Variants in LRRTM4 observed in about 807,000 individuals in gnomAD.
LRRTM4 encodes leucine-rich repeat transmembrane neuronal protein 4.
In LRRTM4, 25 loss-of-function variants were observed where a neutral mutation model predicts 47.6. The observed-to-expected ratio is 0.53, with a 90% CI of 0.38 to 0.73. LRRTM4 has a LOEUF of 0.73. Ranked by LOEUF, LRRTM4 falls within the 30% of genes least tolerant of loss-of-function variation. The pLI is 0.00. For synonymous variants in LRRTM4, 311 were observed against 269.5 expected, an observed-to-expected ratio of 1.15 and a Z score of -1.51; for missense variants, 638 against 713.4, an observed-to-expected ratio of 0.89 and a Z score of 1.20.
At chr2:77,154,124 G>A (rs1279490660) in intron 3 of LRRTM4, among the ~76,000 whole-genome samples, 1 of 152,084 alleles carries the variant, frequency 6.6e-6, no homozygotes, top group African/African-American at 2.4e-5. Context: ...TTGGCTTTGC[G>A]GATGCTTGAA....
intron 3 of LRRTM4, among the ~76,000 whole-genome samples, chr2:76,860,715 G>A (rs988850997): frequency 1.3e-5 from 2 of 152,016 alleles, no homozygotes; most frequent in African/African-American, 4.8e-5. Flanking sequence ...ATAAAAGGGA[G>A]ATTTAAATAG....
At chr2:76,829,244 A>T (rs1671268035) in intron 3 of LRRTM4, among the ~76,000 whole-genome samples, 1 of 151,958 alleles carries the variant, frequency 6.6e-6, no homozygotes, top group South Asian at 2.1e-4. Context: ...TTATAGGCAG[A>T]ATTTAATCTT....
intron 3 of LRRTM4, among the ~76,000 whole-genome samples, chr2:77,429,952 GA>G (rs1366309026): frequency 6.6e-6 from 1 of 152,074 alleles, no homozygotes; most frequent in Non-Finnish European, 1.5e-5. Flanking sequence ...TGTAATTCCA[GA>G]TACTCAGGAG....
At position 77,049,113 on chromosome 2, in the gene LRRTM4, TTTC is replaced by T. The variant is rs1319196085; in HGVS notation, c.1552-300200_1552-300198del. On this transcript the variant is annotated intron_variant, in intron 3 of 3. Coordinates refer to ENST00000409884, the MANE Select transcript of LRRTM4 (RefSeq NM_001134745.3). Reference sequence around the variant, plus strand: ...TTTGTTTTTTTTTGACTAAATAATATTTCATTTTTTATATATATATATATATAT... The same window carrying T: ...TTTGTTTTTTTTTGACTAAATAATATATTTTTTATATATATATATATATAT... Among the ~76,000 whole-genome samples, 6 of 120,582 alleles carry T rather than the reference TTTC, an allele frequency of 5.0e-5. 1 individual carries two copies. The highest frequency in any genetic ancestry group is 1.0e-4 in the African/African-American group (3 of 30,102). The allele number at this position is 120,582 out of a possible 152,430, so 79.1% of individuals were successfully genotyped here. A position where few individuals can be genotyped will look rare whatever the true frequency, so the allele number is the denominator to read the frequency against.
intron 3 of LRRTM4, among the ~76,000 whole-genome samples, chr2:77,073,922 TATTTAATAA>T (rs1680247385): frequency 6.6e-6 from 1 of 152,252 alleles, no homozygotes; most frequent in African/African-American, 2.4e-5. Context: ...GAGGGCATTT[TATTTAATAA>T]ATTTAATTTT....
intron 3 of LRRTM4, among the ~76,000 whole-genome samples, chr2:77,123,055 C>CA (rs150656265): frequency 0.024 from 3,634 of 150,970 alleles, 67 homozygotes; most frequent in Admixed American, 0.057. Context: ...TTCAAATATG[C>CA]AAAAAAAAGT....
chr2:76,963,729 A>C (rs2103919333), intron 3 of LRRTM4, among the ~76,000 whole-genome samples: 1 of 151,014 alleles, frequency 6.6e-6, no homozygotes, highest in Non-Finnish European at 1.5e-5. Flanking sequence ...ATTCTCATGA[A>C]TATTGGTCCC....
chr2:76,889,335 T>A (rs1278270788), intron 3 of LRRTM4, among the ~76,000 whole-genome samples: 1 of 152,008 alleles, frequency 6.6e-6, no homozygotes, highest in African/African-American at 2.4e-5. Flanking sequence ...GAGTTACACA[T>A]ATTTTTATAC....
chr2:77,123,653 A>C (rs1671577048), intron 3 of LRRTM4, among the ~76,000 whole-genome samples: 1 of 152,110 alleles, frequency 6.6e-6, no homozygotes, highest in African/African-American at 2.4e-5. Flanking sequence ...TTCTCTTTTA[A>C]AAATTCTTAA....
chr2:76,970,039 G>GA (rs1676164853), intron 3 of LRRTM4, among the ~76,000 whole-genome samples: 1 of 151,898 alleles, frequency 6.6e-6, no homozygotes. Context: ...TTAGGAAGAT[G>GA]AAATTGAAAC....
chr2:76,841,196 G>A (rs1671665632), intron 3 of LRRTM4, among the ~76,000 whole-genome samples: 1 of 150,912 alleles, frequency 6.6e-6, no homozygotes, highest in Admixed American at 6.6e-5. Context: ...AACACTGCAT[G>A]TTCTCACTCA....
At chr2:77,046,067 C>T (rs75843802) in intron 3 of LRRTM4, among the ~76,000 whole-genome samples, 16 of 151,970 alleles carry the variant, frequency 1.1e-4, no homozygotes, top group African/African-American at 2.4e-4. Flanking sequence ...TGGATTTGTA[C>T]GTTTGATTCT....
intron 3 of LRRTM4, among the ~76,000 whole-genome samples, chr2:76,972,881 T>A (rs1676270349): frequency 6.6e-6 from 1 of 151,946 alleles, no homozygotes; most frequent in Non-Finnish European, 1.5e-5. Flanking sequence ...CCAAATGATA[T>A]AATGGAATAA....
At chr2:77,329,469 G>T (rs183561151) in intron 3 of LRRTM4, among the ~76,000 whole-genome samples, 5 of 152,294 alleles carry the variant, frequency 3.3e-5, no homozygotes, top group Non-Finnish European at 7.3e-5. Flanking sequence ...TTACATCCTA[G>T]AAGGGATGAC....
At chr2:77,454,038 A>G (rs1033270843) in intron 3 of LRRTM4, among the ~76,000 whole-genome samples, 7 of 152,072 alleles carry the variant, frequency 4.6e-5, no homozygotes, top group African/African-American at 1.7e-4. Flanking sequence ...TCACCTTACT[A>G]TCTCCTCTCA....
intron 3 of LRRTM4, among the ~76,000 whole-genome samples, chr2:76,762,549 T>G (rs1673296826): frequency 6.6e-6 from 1 of 152,222 alleles, no homozygotes; most frequent in African/African-American, 2.4e-5. Flanking sequence ...GGCTTCTATA[T>G]GGAAACTCAA....
chr2:76,856,621 A>G (rs1443714353), intron 3 of LRRTM4, among the ~76,000 whole-genome samples: 1 of 152,182 alleles, frequency 6.6e-6, no homozygotes, highest in Non-Finnish European at 1.5e-5. Context: ...CTAAATGTTT[A>G]ACTGATATTT....
chr2:77,289,041 A>G (rs566317422), intron 3 of LRRTM4, among the ~76,000 whole-genome samples: 10 of 152,232 alleles, frequency 6.6e-5, no homozygotes, highest in African/African-American at 2.4e-4. Flanking sequence ...ATACACTTAT[A>G]ATACGGAGTT....
chr2:76,955,410 A>G (rs1675639166), intron 3 of LRRTM4, among the ~76,000 whole-genome samples: 2 of 151,846 alleles, frequency 1.3e-5, no homozygotes, highest in African/African-American at 4.8e-5. Flanking sequence ...GATTGTTACC[A>G]TGATAAGGTG....
Sources: gnomAD v4.1 joint callset for allele counts (sites outside exome capture counted in the v4.1 genomes callset) on GRCh38, gnomAD v4.1.1 for gene constraint, MANE v1.5 for transcripts, NCBI Gene and HGNC (gene_info 2026-07-23, HGNC 2026-07-21) for gene names.